ZFHX3: variants seen among roughly 807,000 people sequenced by gnomAD.
ZFHX3 encodes zinc finger homeobox 3.
ZFHX3 carries 42 observed loss-of-function variants against 279.1 expected under a neutral mutation model. The observed-to-expected ratio is 0.15, with a 90% CI of 0.12 to 0.19. ZFHX3 has a LOEUF of 0.19. Among genes scored for constraint, ZFHX3 ranks in the 10% least tolerant of loss-of-function variants. The pLI, the probability that ZFHX3 is intolerant of heterozygous loss-of-function variation, is 1.00. For missense variants in ZFHX3, 4,981 were observed against 4,754.0 expected (o/e 1.05, Z -1.40); for synonymous variants, 2,293 against 1,957.8 (o/e 1.17, Z -4.52).
At chr16:73,780,543 A>G (rs768017754) in intron 1 of ZFHX3, among the ~76,000 whole-genome samples, 2 of 151,254 alleles carry the variant, frequency 1.3e-5, no homozygotes, top group Non-Finnish European at 2.9e-5. Context: ...CCTGGGTTCA[A>G]GCATTTCTTG....
chr16:73,359,816 T>A, intron 3 of ZFHX3, among the ~76,000 whole-genome samples: 1 of 152,190 alleles, frequency 6.6e-6, no homozygotes, highest in Non-Finnish European at 1.5e-5. Context: ...CCCTGAGTTG[T>A]GGGAGAAGCC....
intron 1 of ZFHX3, among the ~76,000 whole-genome samples, chr16:73,783,427 G>C (rs982559492): frequency 2.0e-5 from 3 of 152,128 alleles, no homozygotes; most frequent in African/African-American, 7.2e-5. Flanking sequence ...TCCACCTCAT[G>C]CTCTTTCTCT....
At position 72,795,293 on chromosome 16, in the gene ZFHX3, C is replaced by G; in HGVS notation, c.7389G>C (p.Lys2463Asn). 1 of 1,613,886 alleles carries G rather than the reference C, an allele frequency of 6.2e-7. No homozygotes were observed. Among genetic ancestry groups the G allele is most frequent in the Non-Finnish European group, 8.5e-7 (1 of 1,179,968 alleles). ...GGAGCTTCTGCTGGGGAGTGTTGGT[C>G]TTCTGCTCGGGCTGCTCTTGCTGCT... ...ELQQQEQPEQ[K>N]TNTPQQKLPQ... The change falls in exon 9 of 10, where the codon AAG (lysine) becomes AAC (asparagine). Residue 2463 changes from lysine to asparagine, a missense_variant. Lys to Asn is a moderately conservative substitution (Grantham distance 94). Transcript: ENST00000268489.
intron 1 of ZFHX3, among the ~76,000 whole-genome samples, chr16:73,058,344 G>T (rs1373955350): frequency 6.7e-6 from 1 of 148,474 alleles, no homozygotes; most frequent in Non-Finnish European, 1.5e-5. Context: ...CGAGCAGGGC[G>T]CGGGCGCGGG....
At chr16:73,647,558 C>G (rs2052631765) in intron 2 of ZFHX3, among the ~76,000 whole-genome samples, 1 of 152,158 alleles carries the variant, frequency 6.6e-6, no homozygotes, top group South Asian at 2.1e-4. Context: ...GTCATGCTTC[C>G]TGTTAAGCCT....
intron 4 of ZFHX3, among the ~76,000 whole-genome samples, chr16:73,271,054 C>T (rs964396772): frequency 1.3e-5 from 2 of 152,178 alleles, no homozygotes; most frequent in Non-Finnish European, 2.9e-5. Flanking sequence ...TCTGCCCCTG[C>T]TGGATGTCAC....
At chr16:73,458,691 C>T (rs1286066053) in intron 2 of ZFHX3, among the ~76,000 whole-genome samples, 1 of 152,160 alleles carries the variant, frequency 6.6e-6, no homozygotes, top group Non-Finnish European at 1.5e-5. Context: ...TCACCTCTCC[C>T]TACCCCAGGT....
At chr16:73,792,555 T>C (rs995584237) in intron 1 of ZFHX3, among the ~76,000 whole-genome samples, 1 of 152,214 alleles carries the variant, frequency 6.6e-6, no homozygotes, top group African/African-American at 2.4e-5. Context: ...TTTGTCCTAA[T>C]AGGTTCCAGA....
At chr16:73,400,374 G>C (rs1168230190) in intron 3 of ZFHX3, 1 of 152,126 alleles carries the variant, frequency 6.6e-6, no homozygotes, top group Non-Finnish European at 1.5e-5. Context: ...TTCTCTCCCT[G>C]TTACATGTTT....
At chr16:72,790,158 G>A (rs2035635545) in intron 9 of ZFHX3, 1 of 152,450 alleles carries the variant, frequency 6.6e-6, no homozygotes, top group African/African-American at 2.4e-5. Flanking sequence ...TGTTGCTACG[G>A]ATGGTACTCC....
At chr16:73,004,239 A>G (rs1243992080) in intron 1 of ZFHX3, among the ~76,000 whole-genome samples, 1 of 135,966 alleles carries the variant, frequency 7.4e-6, no homozygotes, top group African/African-American at 2.9e-5. Flanking sequence ...TCCTGGGCTC[A>G]AGCAATCCTC....
At chr16:72,947,770 G>T (rs966181518) in intron 3 of ZFHX3, among the ~76,000 whole-genome samples, 1 of 152,142 alleles carries the variant, frequency 6.6e-6, no homozygotes, top group Admixed American at 6.6e-5. Context: ...AGCTCCCCGG[G>T]TCAGCTGCAT....
intron 1 of ZFHX3, among the ~76,000 whole-genome samples, chr16:73,851,069 C>G (rs1034713790): frequency 6.6e-6 from 1 of 152,036 alleles, no homozygotes; most frequent in Non-Finnish European, 1.5e-5. Flanking sequence ...TACAAGAGAC[C>G]ACAATATCTT....
At chr16:72,812,345 C>A (rs2143600908) in intron 5 of ZFHX3, among the ~76,000 whole-genome samples, 1 of 151,652 alleles carries the variant, frequency 6.6e-6, no homozygotes, top group South Asian at 2.1e-4. Context: ...CTCCCCCAAT[C>A]TAGATACAAT....
At chr16:73,575,055 G>C (rs2051785794) in intron 2 of ZFHX3, among the ~76,000 whole-genome samples, 1 of 152,164 alleles carries the variant, frequency 6.6e-6, no homozygotes, top group Non-Finnish European at 1.5e-5. Context: ...TGTTTGATTA[G>C]TTTTTAAAAA....
chr16:73,599,848 C>T (rs915934455), intron 2 of ZFHX3, among the ~76,000 whole-genome samples: 1 of 151,848 alleles, frequency 6.6e-6, no homozygotes, highest in African/African-American at 2.4e-5. Context: ...CTTTGGAGAA[C>T]AGAATTCTTA....
intron 2 of ZFHX3, among the ~76,000 whole-genome samples, chr16:73,464,333 A>G (rs1480880962): frequency 6.6e-6 from 1 of 152,128 alleles, no homozygotes; most frequent in Admixed American, 6.5e-5. Context: ...AAGCAATTAC[A>G]GTCCGGCTCT....
At chr16:73,197,299 A>G (rs1488325985) in intron 5 of ZFHX3, among the ~76,000 whole-genome samples, 1 of 152,180 alleles carries the variant, frequency 6.6e-6, no homozygotes, top group Non-Finnish European at 1.5e-5. Flanking sequence ...GAATTGTTGG[A>G]GGAGGTGGGT....
At chr16:72,951,094 CA>C in intron 2 of ZFHX3, 129 bp from the exon 3 acceptor site, 1 of 1,306,702 alleles carries the variant, frequency 7.7e-7, no homozygotes, top group Non-Finnish European at 1.0e-6. Context: ...TCAAGTGTTG[CA>C]AAGGGCTACT....
Sources: allele counts gnomAD v4.1 joint callset (sites outside exome capture counted in the v4.1 genomes callset), GRCh38; gene constraint gnomAD v4.1.1; transcripts MANE v1.5; gene names NCBI Gene and HGNC (gene_info 2026-07-23, HGNC 2026-07-21).